RASSF6: variants seen among roughly 807,000 people sequenced by gnomAD.
RASSF6 encodes ras association domain-containing protein 6.
Under a neutral mutation model 44.0 loss-of-function variants are expected in RASSF6, and 52 were observed. The ratio of observed to expected loss-of-function variants is 1.18; its 90% CI spans 0.95 to 1.49. The LOEUF is 1.49. Ranked by LOEUF, RASSF6 falls within the 40% of genes most tolerant of loss-of-function variation. The pLI is 0.00. For missense variants in RASSF6, 464 were observed against 393.3 expected (o/e 1.18, Z -1.52); for synonymous variants, 162 against 124.6 (o/e 1.30, Z -2.00).
rs191984010 is a variant in RASSF6 at position 73,583,064 on chromosome 4, T to C, written c.568-774A>G. Among the ~76,000 whole-genome samples, 3 of 152,260 alleles carry C rather than the reference T, an allele frequency of 2.0e-5. No individual in the cohort carries two copies. In the East Asian group the frequency reaches 5.8e-4, roughly 29 times the overall value. On this transcript the variant is annotated intron_variant, in intron 6 of 10. Coordinates refer to ENST00000307439, the MANE Select transcript of RASSF6 (RefSeq NM_177532.5). ...TCATCCTGCGCTAAGGTGAATATGA[T>C]ATGTTGTACACGTGGTTTGATGTTG...
At chr4:73,618,310 T>TATCTATCTATCTATCTATCTATC (rs1367522866) in intron 1 of RASSF6, among the ~76,000 whole-genome samples, 1 of 152,054 alleles carries the variant, frequency 6.6e-6, no homozygotes, top group Non-Finnish European at 1.5e-5. Context: ...GTTATCTATC[T>TATCTATCTATCTATCTATCTATC]ATCTATCTAT....
chr4:73,599,498 G>C (rs750094841), intron 2 of RASSF6, among the ~76,000 whole-genome samples: 10 of 152,334 alleles, frequency 6.6e-5, no homozygotes, highest in Non-Finnish European at 1.3e-4. Flanking sequence ...ACTCCTCCCT[G>C]TGTCTCCCAC....
intron 1 of RASSF6, among the ~76,000 whole-genome samples, chr4:73,618,750 G>A (rs187401871): frequency 2.0e-5 from 3 of 152,208 alleles, no homozygotes; most frequent in Admixed American, 2.0e-4. Flanking sequence ...TTTGAAAAAA[G>A]AATCCATTAA....
chr4:73,598,308 A>G (rs919595177), intron 3 of RASSF6, among the ~76,000 whole-genome samples: 4 of 152,200 alleles, frequency 2.6e-5, no homozygotes, highest in African/African-American at 9.6e-5. Flanking sequence ...GATGTCTTCA[A>G]TTTTCTGCAT....
Position 73,576,612 on chromosome 4 carries a change from C to T in RASSF6, c.840+1G>A, listed in dbSNP as rs1450222118. Reference sequence around the variant, plus strand: ...CAGATTCAGGGTGATGGTATTCATACATCACTGCTAATTTCTTCTGCATCT... The same window carrying T: ...CAGATTCAGGGTGATGGTATTCATATATCACTGCTAATTTCTTCTGCATCT... On this transcript the variant is annotated splice_donor_variant, in intron 9 of 10. Transcript: ENST00000307439. LOFTEE classifies it high-confidence loss of function. The T allele has an allele frequency of 6.2e-7, 1 of 1,606,742 alleles. No individual in the cohort carries two copies. The highest frequency in any genetic ancestry group is 1.1e-5 in the South Asian group (1 of 90,854).
rs539192638 is a variant in RASSF6 at position 73,590,184 on chromosome 4, C to T, written c.288-2250G>A. ...CATAAAGAATAACAAGTGGTCAGAGCTCAAAAAAACTGATTTTTTAAAAGC... is the reference window on the plus strand; with the variant it reads ...CATAAAGAATAACAAGTGGTCAGAGTTCAAAAAAACTGATTTTTTAAAAGC... On this transcript the variant is annotated intron_variant, in intron 4 of 10. Coordinates refer to ENST00000307439, the MANE Select transcript of RASSF6 (RefSeq NM_177532.5). Among the ~76,000 whole-genome samples, 5 of 152,244 alleles carry T rather than the reference C, an allele frequency of 3.3e-5. No individual in the cohort carries two copies. The South Asian group carries it at 1.0e-3, about 32-fold the overall frequency.
At chr4:73,589,943 A>T (rs1216957567) in intron 4 of RASSF6, among the ~76,000 whole-genome samples, 9 of 152,202 alleles carry the variant, frequency 5.9e-5, no homozygotes, top group Non-Finnish European at 7.4e-5. Flanking sequence ...CGTTATTCAA[A>T]TGTACACCTG....
At chr4:73,586,805 G>T (rs557807369) in intron 5 of RASSF6, among the ~76,000 whole-genome samples, 1 of 151,062 alleles carries the variant, frequency 6.6e-6, no homozygotes, top group Non-Finnish European at 1.5e-5. Context: ...AAGATGTAAA[G>T]ATCCCATGGC....
At chr4:73,612,975 T>G (rs1726125444) in intron 1 of RASSF6, among the ~76,000 whole-genome samples, 1 of 152,094 alleles carries the variant, frequency 6.6e-6, no homozygotes, top group Non-Finnish European at 1.5e-5. Flanking sequence ...CTCACCCATT[T>G]CCCCTGGCAG....
At position 73,572,558 on chromosome 4, in the gene RASSF6, A is replaced by G. The variant is rs1407332776; in HGVS notation, c.*3677T>C. On this transcript the variant is annotated 3_prime_UTR_variant, in exon 11 of 11. Coordinates refer to ENST00000307439, the MANE Select transcript of RASSF6 (RefSeq NM_177532.5). ...AATTAAAAATAAAATAAAAAGACGT[A>G]AGTCACTAAGTCCAGCCCATTTTCA... 2 of 152,164 alleles carry G rather than the reference A, an allele frequency of 1.3e-5. No homozygotes were observed. Among genetic ancestry groups the G allele is most frequent in the Non-Finnish European group, 2.9e-5 (2 of 68,020 alleles). 9.4% of individuals were successfully genotyped at this position (152,164 alleles called of 1,614,324 possible).
intron 6 of RASSF6, among the ~76,000 whole-genome samples, chr4:73,584,214 C>G (rs907351995): frequency 1.3e-5 from 2 of 151,896 alleles, no homozygotes; most frequent in Non-Finnish European, 2.9e-5. Flanking sequence ...TCGTTACCCC[C>G]CAAGGGTAGA....
At chr4:73,617,419 G>C (rs1287530500) in intron 1 of RASSF6, among the ~76,000 whole-genome samples, 3 of 152,212 alleles carry the variant, frequency 2.0e-5, no homozygotes, top group Non-Finnish European at 4.4e-5. Flanking sequence ...ACTGGGTCTG[G>C]GAGGCGCTGC....
In RASSF6 at chr4:73,573,671, T is replaced by A. The variant is rs533705803; in HGVS notation, c.*2564A>T. The A allele has an allele frequency of 3.3e-5, 5 of 152,346 alleles. No individual in the cohort carries two copies. Among genetic ancestry groups the A allele is most frequent in the African/African-American group, 1.2e-4 (5 of 41,574 alleles). 9.4% of individuals were successfully genotyped at this position (152,346 alleles called of 1,614,324 possible). ...TTTGAGTCCCCATCTCATGGTGATT[T>A]ATTGAGTATTTAATGTTATCATTTC... On this transcript the variant is annotated 3_prime_UTR_variant, in exon 11 of 11. Transcript: ENST00000307439.
Position 73,574,986 on chromosome 4 carries a change from AAG to A in RASSF6, c.*1247_*1248del, listed in dbSNP as rs1417220077. 6.6e-6 allele frequency: 1 copy of A among 152,184 alleles called. No homozygotes were observed. The highest frequency in any genetic ancestry group is 2.4e-5 in the African/African-American group (1 of 41,440). 9.4% of individuals were successfully genotyped at this position (152,184 alleles called of 1,614,324 possible). A position where few individuals can be genotyped will look rare whatever the true frequency, so the allele number is the denominator to read the frequency against. On this transcript the variant is annotated 3_prime_UTR_variant, in exon 11 of 11. Coordinates refer to ENST00000307439, the MANE Select transcript of RASSF6 (RefSeq NM_177532.5). ...GATGCAAGCCTCTGGTTTACTCAGTAAGAGAGACTTCTTAGGCTTGAAAAGGC... is the reference window on the plus strand; with the variant it reads ...GATGCAAGCCTCTGGTTTACTCAGTAAGAGACTTCTTAGGCTTGAAAAGGC...
At chr4:73,596,341 A>G (rs1372671108) in intron 3 of RASSF6, among the ~76,000 whole-genome samples, 1 of 152,210 alleles carries the variant, frequency 6.6e-6, no homozygotes, top group Admixed American at 6.5e-5. Context: ...TTATACACCA[A>G]CAACAATCAA....
rs185366987 is a variant in RASSF6 at position 73,590,123 on chromosome 4, T to C, written c.288-2189A>G. Among the ~76,000 whole-genome samples, 10 of 152,332 alleles carry C rather than the reference T, an allele frequency of 6.6e-5. No homozygotes were observed. In the East Asian group the frequency reaches 1.9e-3, roughly 29 times the overall value. On this transcript the variant is annotated intron_variant, in intron 4 of 10. Transcript: ENST00000307439. ...AGATTTCCAAAACACTTGTGCCAGATATGAGAGATCAAAGTACTGCCCATA... is the reference window on the plus strand; with the variant it reads ...AGATTTCCAAAACACTTGTGCCAGACATGAGAGATCAAAGTACTGCCCATA...
At chr4:73,619,989 T>C (rs1726598347) in intron 1 of RASSF6, among the ~76,000 whole-genome samples, 1 of 152,110 alleles carries the variant, frequency 6.6e-6, no homozygotes, top group Non-Finnish European at 1.5e-5. Flanking sequence ...CAATTACAGG[T>C]GAAGGGCTCA....
chr4:73,586,501 C>G (rs147733632), intron 5 of RASSF6, among the ~76,000 whole-genome samples: 94 of 151,922 alleles, frequency 6.2e-4, no homozygotes, highest in South Asian at 1.0e-3. Context: ...CTTCTGCCCC[C>G]CTTTCTGCTT....
chr4:73,584,274 A>G (rs1418877882), intron 6 of RASSF6, among the ~76,000 whole-genome samples: 3 of 152,154 alleles, frequency 2.0e-5, no homozygotes, highest in Admixed American at 6.6e-5. Context: ...CTACAAAGCA[A>G]TGAGTTCCTA....
Sources: gnomAD v4.1 joint callset for allele counts (sites outside exome capture counted in the v4.1 genomes callset) on GRCh38, gnomAD v4.1.1 for gene constraint, MANE v1.5 for transcripts, NCBI Gene and HGNC (gene_info 2026-07-23, HGNC 2026-07-21) for gene names.